Variants in GNG7 observed in about 807,000 individuals in gnomAD.
GNG7 encodes guanine nucleotide-binding protein G(I)/G(S)/G(O) subunit gamma-7.
In GNG7, 1 loss-of-function variant was observed where a neutral mutation model predicts 4.0. The ratio of observed to expected loss-of-function variants is 0.25; its 90% CI spans 0.09 to 1.18. GNG7 has a LOEUF of 1.18. GNG7 is among the 50% of genes most tolerant of loss of function. The probability of loss-of-function intolerance (pLI) is 0.50; values close to 1 mark genes in which losing one functional copy is unlikely to be tolerated. For synonymous variants in GNG7, 34 were observed against 36.9 expected, an observed-to-expected ratio of 0.92 and a Z score of 0.29; for missense variants, 86 against 91.9, an observed-to-expected ratio of 0.94 and a Z score of 0.26.
intron 2 of GNG7, among the ~76,000 whole-genome samples, chr19:2,631,057 T>C (rs1470240887): frequency 1.3e-5 from 2 of 152,168 alleles, no homozygotes; most frequent in Non-Finnish European, 2.9e-5. Flanking sequence ...CATTATCTGA[T>C]TGTCTCAACA....
chr19:2,531,766 G>T (rs560594242), intron 3 of GNG7, among the ~76,000 whole-genome samples: 1 of 112,674 alleles, frequency 8.9e-6, no homozygotes, highest in Non-Finnish European at 1.8e-5. Flanking sequence ...GCGAGACTCC[G>T]TCCCAAAAAA....
rs1017622749 is a variant in GNG7, at chr19:2,634,909, G to C, written c.-78+11315C>G. On this transcript the variant is annotated intron_variant, in intron 2 of 4. Transcript: ENST00000382159. The surrounding 1 kb of genome is among the most constrained non-coding windows in gnomAD (Gnocchi z 5.3). ...TACCAAAAAAAAAAAACCCTCGCCG[G>C]GAGAACAAGGAGCTACCAGAAAAAC... 2.0e-5 allele frequency among the ~76,000 whole-genome samples: 3 copies of C among 152,050 alleles called. No individual in the cohort carries two copies. The highest frequency in any genetic ancestry group is 2.9e-5 in the Non-Finnish European group (2 of 68,014).
At chr19:2,667,545 G>A (rs1036077658) in intron 1 of GNG7, among the ~76,000 whole-genome samples, 1 of 152,182 alleles carries the variant, frequency 6.6e-6, no homozygotes, top group African/African-American at 2.4e-5. Context: ...TTGGGAGGCC[G>A]AGGCAGGAGG....
chr19:2,575,680 C>T (rs568890177), intron 2 of GNG7, among the ~76,000 whole-genome samples: 14 of 140,002 alleles, frequency 1.0e-4, no homozygotes, highest in South Asian at 6.7e-4. Flanking sequence ...CATGCAGACA[C>T]GCAGGCACAC....
At chr19:2,545,215 G>A (rs1979086433) in intron 3 of GNG7, among the ~76,000 whole-genome samples, 1 of 151,944 alleles carries the variant, frequency 6.6e-6, no homozygotes, top group East Asian at 1.9e-4. Context: ...GTAACTGGGG[G>A]GTGCTCCTGG....
At chr19:2,545,420 G>A (rs1001654980) in intron 3 of GNG7, among the ~76,000 whole-genome samples, 15 of 152,150 alleles carry the variant, frequency 9.9e-5, no homozygotes, top group African/African-American at 3.4e-4. Context: ...GACCGAGGCG[G>A]GCGGATCACT....
chr19:2,631,828 C>T (rs761407537), intron 2 of GNG7: 13 of 152,242 alleles, frequency 8.5e-5, no homozygotes, highest in East Asian at 1.9e-4. Flanking sequence ...CCACAGTTTT[C>T]GACCCCGGCT....
intron 2 of GNG7, among the ~76,000 whole-genome samples, chr19:2,564,043 G>A (rs576908518): frequency 2.0e-5 from 3 of 152,244 alleles, no homozygotes; most frequent in East Asian, 1.9e-4. Flanking sequence ...AATGGTGTTC[G>A]TGTGTGTAAG....
At chr19:2,661,270 A>AAAGAAAAGAAAGAAAGAAAGAAAGG (rs1568277669) in intron 1 of GNG7, among the ~76,000 whole-genome samples, 24 of 70,928 alleles carry the variant, frequency 3.4e-4, no homozygotes, top group African/African-American at 1.4e-3. Context: ...AGAAAGAAAG[A>AAAGAAAAGAAAGAAAGAAAGAAAGG]AAAGAAAGAA....
At chr19:2,533,966 T>C (rs1214667202) in intron 3 of GNG7, among the ~76,000 whole-genome samples, 1 of 152,186 alleles carries the variant, frequency 6.6e-6, no homozygotes, top group African/African-American at 2.4e-5. Flanking sequence ...CAACAGAAGA[T>C]GTTCTATGCT....
rs905944517 is a variant in GNG7, at chr19:2,512,227, G to A, written c.*2795C>T. 39 of 985,828 alleles carry A rather than the reference G, an allele frequency of 4.0e-5. No homozygotes were observed. The highest frequency in any genetic ancestry group is 5.2e-4 in the Middle Eastern group (1 of 1,916). 61.1% of individuals were successfully genotyped at this position (985,828 alleles called of 1,614,324 possible). ...GAGGTGCACGCGCGCTCCTGGAAAC[G>A]CCCATAAAACATGCGTTCACCCCAG... On this transcript the variant is annotated 3_prime_UTR_variant, in exon 5 of 5. Coordinates refer to ENST00000382159, the MANE Select transcript of GNG7 (RefSeq NM_052847.3). The surrounding 1 kb of genome is among the most constrained non-coding windows in gnomAD (Gnocchi z 4.7).
intron 2 of GNG7, among the ~76,000 whole-genome samples, chr19:2,646,015 T>G (rs1374416222): frequency 1.1e-4 from 16 of 152,138 alleles, no homozygotes; most frequent in Non-Finnish European, 1.8e-4. Context: ...CCACGTTCCC[T>G]GCCTCGTGGG....
At position 2,614,876 on chromosome 19, in the gene GNG7, C is replaced by T. The variant is rs761458929; in HGVS notation, c.-78+31348G>A. Among the ~76,000 whole-genome samples, 7 of 152,210 alleles carry T rather than the reference C, an allele frequency of 4.6e-5. No individual in the cohort carries two copies. The highest frequency in any genetic ancestry group is 3.8e-4 in the East Asian group (2 of 5,202). On this transcript the variant is annotated intron_variant, in intron 2 of 4. Transcript: ENST00000382159. This position sits in a 1 kb window ranked among gnomAD's most constrained non-coding sequence, Gnocchi z 6.0. The stretch of plus-strand genomic sequence containing the variant: ...GGAACCACCAGACTGGTTTCCAAGG[C>T]GGCTGCCCCATCTTGCATCACACAT...
intron 3 of GNG7, chr19:2,538,415 GA>G (rs1568235573): frequency 1.6e-5 from 6 of 384,568 alleles, no homozygotes; most frequent in Non-Finnish European, 2.6e-5. Context: ...TTGAGGCCAG[GA>G]GTTTGAGACC....
chr19:2,675,069 T>A (rs1175022020), intron 1 of GNG7, among the ~76,000 whole-genome samples: 2 of 152,182 alleles, frequency 1.3e-5, no homozygotes, highest in Non-Finnish European at 2.9e-5. Context: ...TGGTAATGTT[T>A]TAACACATGG....
At chr19:2,524,292 T>A (rs1207587198) in intron 3 of GNG7, among the ~76,000 whole-genome samples, 1 of 152,220 alleles carries the variant, frequency 6.6e-6, no homozygotes, top group Non-Finnish European at 1.5e-5. Flanking sequence ...GGCTGGGTAA[T>A]AACCCAGGCC....
intron 1 of GNG7, among the ~76,000 whole-genome samples, chr19:2,695,896 C>T (rs1031642922): frequency 6.6e-6 from 1 of 152,088 alleles, no homozygotes; most frequent in African/African-American, 2.4e-5. Flanking sequence ...TGGGGGCTCA[C>T]GCCTGTAATC....
chr19:2,625,890 C>T (rs936062633), intron 2 of GNG7, among the ~76,000 whole-genome samples: 1 of 152,112 alleles, frequency 6.6e-6, no homozygotes, highest in Non-Finnish European at 1.5e-5. Context: ...CGGGTTCAAG[C>T]GATTCTCCTG....
At chr19:2,579,326 T>C (rs1175895987) in intron 2 of GNG7, among the ~76,000 whole-genome samples, 1 of 152,248 alleles carries the variant, frequency 6.6e-6, no homozygotes, top group Non-Finnish European at 1.5e-5. Flanking sequence ...CTCTGTGTCC[T>C]GCAGCTCAGG....
Sources: gnomAD v4.1 joint callset for allele counts (sites outside exome capture counted in the v4.1 genomes callset) on GRCh38, gnomAD v4.1.1 for gene constraint, Gnocchi (gnomAD v3.1) non-coding constraint, MANE v1.5 for transcripts, NCBI Gene and HGNC (gene_info 2026-07-23, HGNC 2026-07-21) for gene names.